Variants in SDC1 observed in about 807,000 individuals in gnomAD.
SDC1 encodes syndecan-1.
Under a neutral mutation model 29.7 loss-of-function variants are expected in SDC1, and 14 were observed. The observed-to-expected ratio is 0.47, with a 90% confidence interval of 0.31 to 0.74. The LOEUF (loss-of-function observed/expected upper bound fraction) is 0.74. Ranked by LOEUF, SDC1 falls within the 30% of genes least tolerant of loss-of-function variation. The probability of loss-of-function intolerance (pLI) is 0.05; values close to 1 mark genes in which losing one functional copy is unlikely to be tolerated. For missense variants in SDC1, 406 were observed against 400.3 expected (o/e 1.01, Z -0.12); for synonymous variants, 204 against 175.5 (o/e 1.16, Z -1.29).
chr2:20,222,637 C>G (rs377454463), intron 1 of SDC1, among the ~76,000 whole-genome samples: 1 of 152,134 alleles, frequency 6.6e-6, no homozygotes, highest in South Asian at 2.1e-4. Flanking sequence ...TTGAGACTCT[C>G]CTGCCTCCTG....
chr2:20,219,909 CA>C (rs1677759279), intron 1 of SDC1, among the ~76,000 whole-genome samples: 1 of 152,208 alleles, frequency 6.6e-6, no homozygotes, highest in Non-Finnish European at 1.5e-5. Flanking sequence ...TTCTGGCCAC[CA>C]CCCGCGCCAT....
upstream of SDC1, chr2:20,225,183 C>A (rs373499791): frequency 9.6e-5 from 20 of 207,994 alleles, no homozygotes; most frequent in East Asian, 1.9e-3. Flanking sequence ...AGTCCACACC[C>A]CCCAGGACCC....
intron 1 of SDC1, among the ~76,000 whole-genome samples, chr2:20,216,439 C>G (rs114306934): frequency 1.1e-3 from 173 of 152,336 alleles, no homozygotes; most frequent in African/African-American, 4.1e-3. Flanking sequence ...TGGAATGACA[C>G]CAGCCTCTAG....
chr2:20,211,474 C>A (rs1677462656), intron 1 of SDC1, among the ~76,000 whole-genome samples: 1 of 152,244 alleles, frequency 6.6e-6, no homozygotes, highest in Admixed American at 6.5e-5. Context: ...AGATAGCACA[C>A]CACGGTGGCA....
At chr2:20,204,580 T>C (rs535964750) in intron 2 of SDC1, among the ~76,000 whole-genome samples, 1 of 151,984 alleles carries the variant, frequency 6.6e-6, no homozygotes, top group African/African-American at 2.4e-5. Context: ...AGGGGTGGGG[T>C]GGGCATCCCT....
chr2:20,221,256 T>C (rs1173273455), intron 1 of SDC1, among the ~76,000 whole-genome samples: 2 of 152,216 alleles, frequency 1.3e-5, no homozygotes, highest in Non-Finnish European at 1.5e-5. Context: ...GCCTAACTCA[T>C]CTGATTAGTT....
chr2:20,210,244 G>T (rs1470174906), intron 1 of SDC1, among the ~76,000 whole-genome samples: 4 of 152,186 alleles, frequency 2.6e-5, no homozygotes, highest in Admixed American at 2.0e-4. Flanking sequence ...GGGAGGCTGA[G>T]GCAGGAGAAT....
At chr2:20,217,488 C>T (rs1677664905) in intron 1 of SDC1, among the ~76,000 whole-genome samples, 1 of 152,174 alleles carries the variant, frequency 6.6e-6, no homozygotes, top group Non-Finnish European at 1.5e-5. Context: ...CATGCACACC[C>T]AAAAGCATTG....
intron 1 of SDC1, chr2:20,208,200 G>T: frequency 1.2e-6 from 1 of 852,608 alleles, no homozygotes; most frequent in Non-Finnish European, 1.4e-6. Flanking sequence ...CGCCCAGTGA[G>T]ACCCAGGAAC....
rs1411801209 is a variant in SDC1, at chr2:20,202,660, G to C, written c.*106C>G. 8.1e-6 allele frequency: 9 copies of C among 1,113,098 alleles called. No individual in the cohort carries two copies. The highest frequency in any genetic ancestry group is 4.5e-5 in the Admixed American group (2 of 44,474). 69.0% of individuals were successfully genotyped at this position (1,113,098 alleles called of 1,614,324 possible). On this transcript the variant is annotated 3_prime_UTR_variant, in exon 5 of 5. Transcript: ENST00000254351. ...AGCGACCAGAGGGGCTGGAATGCTG[G>C]GGAGGTGGCCTGGTGGCAGGGGAGG... is the stretch of plus-strand genomic sequence containing the variant.
At chr2:20,203,765 A>G in intron 3 of SDC1, 48 bp downstream of exon 3, 1 of 1,379,724 alleles carries the variant, frequency 7.2e-7, no homozygotes, top group Non-Finnish European at 9.9e-7. Flanking sequence ...AGTGCCAGGC[A>G]TTAGGACCAA....
chr2:20,210,737 G>A (rs1677440546), intron 1 of SDC1, among the ~76,000 whole-genome samples: 1 of 152,122 alleles, frequency 6.6e-6, no homozygotes, highest in Non-Finnish European at 1.5e-5. Flanking sequence ...CAAGCAACCT[G>A]GACCAGGGGC....
At chr2:20,217,333 G>T (rs1481532149) in intron 1 of SDC1, among the ~76,000 whole-genome samples, 1 of 152,128 alleles carries the variant, frequency 6.6e-6, no homozygotes, top group African/African-American at 2.4e-5. Flanking sequence ...CACTGCACAG[G>T]GCTACGCACA....
rs1677007616 is a variant in SDC1 at position 20,201,518 on chromosome 2, C to T, written c.*1248G>A. 1 of 152,674 alleles carries T rather than the reference C, an allele frequency of 6.5e-6. No individual in the cohort carries two copies. The highest frequency in any genetic ancestry group is 1.5e-5 in the Non-Finnish European group (1 of 68,060). 9.5% of individuals were successfully genotyped at this position (152,674 alleles called of 1,614,324 possible). ...GACTACTTTATATTAAAGTTTATTA[C>T]ATTTGGAAAATCTACTGTACAGGGA... On this transcript the variant is annotated 3_prime_UTR_variant, in exon 5 of 5. Transcript: ENST00000254351.
chr2:20,220,730 G>T (rs1677791748), intron 1 of SDC1, among the ~76,000 whole-genome samples: 1 of 152,220 alleles, frequency 6.6e-6, no homozygotes, highest in Non-Finnish European at 1.5e-5. Context: ...ACTCACCCCA[G>T]ATTATGGAGT....
intron 1 of SDC1, among the ~76,000 whole-genome samples, chr2:20,215,527 G>A (rs1269444505): frequency 2.0e-5 from 3 of 152,214 alleles, no homozygotes; most frequent in African/African-American, 7.2e-5. Context: ...CACACAGAGT[G>A]ACTCCACGCT....
At chr2:20,221,519 C>T (rs1386805292) in intron 1 of SDC1, among the ~76,000 whole-genome samples, 3 of 152,084 alleles carry the variant, frequency 2.0e-5, no homozygotes, top group Non-Finnish European at 4.4e-5. Flanking sequence ...TAAATCATGC[C>T]TAGCATTTTT....
chr2:20,224,768 G>A lies in SDC1; in HGVS notation c.66+34C>T, dbSNP rs1333225478. ...CGCGGGTGACCAGTCCCGGCTTCCC[G>A]CCGCCTCCCCGCCTGGCCGCCGGCC... On this transcript the variant is annotated intron_variant, in intron 1 of 4. Transcript: ENST00000254351. The surrounding 1 kb of genome is among the most constrained non-coding windows in gnomAD (Gnocchi z 4.9). 2.3e-5 allele frequency: 30 copies of A among 1,298,966 alleles called. No homozygotes were observed. In the South Asian group the frequency reaches 5.7e-4, roughly 25 times the overall value. The allele number at this position is 1,298,966 out of a possible 1,614,324, so 80.5% of individuals were successfully genotyped here.
At chr2:20,219,555 G>A (rs527747324) in intron 1 of SDC1, among the ~76,000 whole-genome samples, 1 of 152,274 alleles carries the variant, frequency 6.6e-6, no homozygotes, top group Admixed American at 6.5e-5. Context: ...GCCTTCCCCT[G>A]GAGCCTGTCA....
Sources: allele counts gnomAD v4.1 joint callset (sites outside exome capture counted in the v4.1 genomes callset), GRCh38; gene constraint gnomAD v4.1.1; non-coding constraint Gnocchi (gnomAD v3.1); transcripts MANE v1.5; gene names NCBI Gene and HGNC (gene_info 2026-07-23, HGNC 2026-07-21).